The following WIPF2 variants were observed in gnomAD, a reference collection of about 807,000 sequenced individuals.
The protein encoded by WIPF2 is WAS/WASL interacting protein family member 2, also known as WAS/WASL-interacting protein family member 2.
A neutral mutation model predicts 38.8 loss-of-function variants in WIPF2; 23 were observed. That is an observed-to-expected ratio of 0.59 (90% CI 0.43 to 0.84). The LOEUF is 0.84. Ranked by LOEUF, WIPF2 falls within the 40% of genes least tolerant of loss-of-function variation. The pLI is 0.00. For missense variants in WIPF2, 574 were observed against 580.5 expected (o/e 0.99, Z 0.11); for synonymous variants, 210 against 223.2 (o/e 0.94, Z 0.53).
rs748169841 is a variant in WIPF2 at position 40,239,691 on chromosome 17, C to CTTT, written c.-69-16681_-69-16679dup. Among the ~76,000 whole-genome samples the CTTT allele has an allele frequency of 2.2e-3, 233 of 107,154 alleles. 1 individual carries two copies. Among genetic ancestry groups the CTTT allele is most frequent in the Non-Finnish European group, 2.9e-3 (150 of 51,882 alleles). 70.3% of individuals were successfully genotyped at this position (107,154 alleles called of 152,430 possible). ...CTTTGGACTCTTTGGTTCAGCTTTT[C>CTTT]TTTTTTTTTTTTTTTTTTTTTGAGA... is the stretch of plus-strand genomic sequence containing the variant. On this transcript the variant is annotated intron_variant, in intron 1 of 7. Transcript: ENST00000323571.
intron 2 of WIPF2, among the ~76,000 whole-genome samples, chr17:40,257,826 GAGA>G (rs2031777839): frequency 6.6e-6 from 1 of 151,974 alleles, no homozygotes; most frequent in South Asian, 2.1e-4. Context: ...AGTGACTTCA[GAGA>G]AGAATAGGCC....
At chr17:40,256,608 CT>C in intron 2 of WIPF2, 86 bp downstream of exon 2, 1 of 1,477,128 alleles carries the variant, frequency 6.8e-7, no homozygotes, top group Admixed American at 2.9e-5. Flanking sequence ...CTTTTAACTC[CT>C]TTTGGTTAAA....
rs977840115 is a variant in WIPF2, at chr17:40,282,953, A to G, written c.*4728A>G. The G allele has an allele frequency of 1.3e-5, 2 of 151,896 alleles. No homozygotes were observed. Among genetic ancestry groups the G allele is most frequent in the African/African-American group, 4.8e-5 (2 of 41,346 alleles). The allele number at this position is 151,896 out of a possible 1,614,324, so 9.4% of individuals were successfully genotyped here. ...TGTAATCCCAGCACTTTGGGAGGCCAAGGCGGGTGGATCATTTGAGGTCAG... is the reference window on the plus strand; with the variant it reads ...TGTAATCCCAGCACTTTGGGAGGCCGAGGCGGGTGGATCATTTGAGGTCAG... On this transcript the variant is annotated 3_prime_UTR_variant, in exon 8 of 8. Coordinates refer to ENST00000323571, the MANE Select transcript of WIPF2 (RefSeq NM_133264.5).
chr17:40,276,002 G>A lies in WIPF2; in HGVS notation c.1181-1081G>A, dbSNP rs577877365. 2.2e-4 allele frequency among the ~76,000 whole-genome samples: 34 copies of A among 152,304 alleles called. 1 individual carries two copies. The highest frequency in any genetic ancestry group is 1.8e-3 in the Admixed American group (28 of 15,292). Reference sequence around the variant, plus strand: ...GAAACCTTTGGGATGTGATCAAGCCGCACTTACAGAAAATTTGAGCTTTCT... The same window carrying A: ...GAAACCTTTGGGATGTGATCAAGCCACACTTACAGAAAATTTGAGCTTTCT... On this transcript the variant is annotated intron_variant, in intron 6 of 7. Coordinates refer to ENST00000323571, the MANE Select transcript of WIPF2 (RefSeq NM_133264.5).
rs765807954 is a variant in WIPF2 at position 40,265,079 on chromosome 17, G to T, written c.903G>T (p.Ser301=). Residue 301 remains serine, a synonymous_variant, in exon 5 of 8, where the codon TCG becomes TCT. Coordinates refer to ENST00000323571, the MANE Select transcript of WIPF2 (RefSeq NM_133264.5). ...GCCTAGCACCTCCTCCACCCACCTC[G>T]GCCTCCCCATCTTTACTGAGTAATA... is the stretch of plus-strand genomic sequence containing the variant. The part of the protein sequence containing the change: ...VRGLAPPPPT[S]ASPSLLSNRP... The T allele has an allele frequency of 1.5e-5, 24 of 1,613,494 alleles. No individual in the cohort carries two copies. Among genetic ancestry groups the T allele is most frequent in the Non-Finnish European group, 1.8e-5 (21 of 1,179,926 alleles).
At chr17:40,226,024 A>G (rs907921896) in intron 1 of WIPF2, among the ~76,000 whole-genome samples, 2 of 152,096 alleles carry the variant, frequency 1.3e-5, no homozygotes, top group East Asian at 3.8e-4. Flanking sequence ...CTCAGTGGAA[A>G]TAATTTGTTT....
At chr17:40,259,283 C>T (rs1286707477) in intron 2 of WIPF2, among the ~76,000 whole-genome samples, 1 of 151,338 alleles carries the variant, frequency 6.6e-6, no homozygotes, top group East Asian at 1.9e-4. Context: ...TTAGATTTTT[C>T]TTCTGGCGAT....
In WIPF2 at chr17:40,225,488, G is replaced by C. The variant is rs59702673; in HGVS notation, c.-70+5996G>C. On this transcript the variant is annotated intron_variant, in intron 1 of 7. Coordinates refer to ENST00000323571, the MANE Select transcript of WIPF2 (RefSeq NM_133264.5). ...GCAGAAGTATGTAAGTTATCAAATA[G>C]GGGAGCCAGGAATTGGTTTCTTCCT... 5.2e-3 allele frequency among the ~76,000 whole-genome samples: 791 copies of C among 152,290 alleles called. 6 individuals carry two copies. The highest frequency in any genetic ancestry group is 0.02 in the Middle Eastern group (6 of 294).
chr17:40,264,728 G>T lies in WIPF2; in HGVS notation c.552G>T (p.Arg184=). ...SSAPPPPPPG[R]RANAPPTPLP... is the part of the protein sequence containing the mutation. The stretch of plus-strand genomic sequence containing the variant: ...CCCCTCCCCCACCACCCCCAGGGCG[G>T]CGTGCCAACGCACCCCCCACACCTC... The change falls in exon 5 of 8, where the codon CGG becomes CGT. Residue 184 remains arginine, a synonymous_variant. Transcript: ENST00000323571. 3 of 1,608,404 alleles carry T rather than the reference G, an allele frequency of 1.9e-6. No individual in the cohort carries two copies. The highest frequency in any genetic ancestry group is 2.2e-5 in the South Asian group (2 of 90,270).
intron 1 of WIPF2, among the ~76,000 whole-genome samples, chr17:40,229,254 G>A (rs1409468200): frequency 6.6e-6 from 1 of 151,222 alleles, no homozygotes; most frequent in African/African-American, 2.4e-5. Context: ...TAGGATTACA[G>A]GCATGCATCA....
chr17:40,257,004 A>G (rs747731109), intron 2 of WIPF2, among the ~76,000 whole-genome samples: 2 of 151,578 alleles, frequency 1.3e-5, no homozygotes, highest in Admixed American at 6.6e-5. Flanking sequence ...TTTGAAACGG[A>G]ATCTCACTCT....
intron 2 of WIPF2, among the ~76,000 whole-genome samples, chr17:40,257,170 G>A (rs1264771754): frequency 6.6e-6 from 1 of 151,896 alleles, no homozygotes; most frequent in Non-Finnish European, 1.5e-5. Flanking sequence ...GTAGAGATGG[G>A]GTTTCACCAT....
At chr17:40,236,932 A>G (rs2030995442) in intron 1 of WIPF2, among the ~76,000 whole-genome samples, 1 of 151,924 alleles carries the variant, frequency 6.6e-6, no homozygotes, top group Admixed American at 6.6e-5. Context: ...GATTCTTTGT[A>G]TGGGATCTGT....
At chr17:40,236,463 G>A (rs936701678) in intron 1 of WIPF2, among the ~76,000 whole-genome samples, 11 of 148,244 alleles carry the variant, frequency 7.4e-5, no homozygotes, top group Admixed American at 2.0e-4. Context: ...TCAGCCTCCC[G>A]AGTAGCTGGA....
At chr17:40,252,466 C>T (rs566690987) in intron 1 of WIPF2, among the ~76,000 whole-genome samples, 8 of 152,196 alleles carry the variant, frequency 5.3e-5, no homozygotes, top group Admixed American at 3.9e-4. Context: ...GAGTTTGAGA[C>T]CAGCCTGGCT....
In WIPF2 at chr17:40,277,073, C is replaced by A. The variant is rs758539284; in HGVS notation, c.1181-10C>A. The A allele has an allele frequency of 6.2e-7, 1 of 1,606,510 alleles. No individual in the cohort carries two copies. On this transcript the variant is annotated splice_polypyrimidine_tract_variant and intron_variant, in intron 6 of 7. Coordinates refer to ENST00000323571, the MANE Select transcript of WIPF2 (RefSeq NM_133264.5). ...GGATGATAGGAATTAATGTTCTATT[C>A]TTTTCGCAGATGATTTTGAGTCAAA...
intron 1 of WIPF2, among the ~76,000 whole-genome samples, chr17:40,220,776 GT>G (rs773127708): frequency 0.14 from 17,293 of 125,844 alleles, 1,113 homozygotes; most frequent in East Asian, 0.29. Flanking sequence ...CCCAGAATTC[GT>G]TTTTTTTTTT....
intron 1 of WIPF2, among the ~76,000 whole-genome samples, chr17:40,251,221 T>C (rs940836804): frequency 6.6e-6 from 1 of 152,146 alleles, no homozygotes; most frequent in Non-Finnish European, 1.5e-5. Context: ...GCCTATTAGA[T>C]TCTTAGTATT....
intron 3 of WIPF2, among the ~76,000 whole-genome samples, chr17:40,261,916 C>T (rs1009680519): frequency 2.8e-5 from 4 of 142,956 alleles, no homozygotes; most frequent in Admixed American, 7.1e-5. Flanking sequence ...CCTCATGATC[C>T]GCCCGCCTCC....
Sources: allele counts gnomAD v4.1 joint callset (sites outside exome capture counted in the v4.1 genomes callset), GRCh38; gene constraint gnomAD v4.1.1; transcripts MANE v1.5; gene names NCBI Gene and HGNC (gene_info 2026-07-23, HGNC 2026-07-21).